Variants in SERGEF observed in about 807,000 individuals in gnomAD.
SERGEF encodes secretion-regulating guanine nucleotide exchange factor.
In SERGEF, 51 loss-of-function variants were observed where a neutral mutation model predicts 50.0. That is an observed-to-expected ratio of 1.02 (90% CI 0.81 to 1.29). The LOEUF (loss-of-function observed/expected upper bound fraction) is 1.29. Ranked by LOEUF, SERGEF falls within the 50% of genes most tolerant of loss-of-function variation. SERGEF has a pLI of 0.00. For missense variants in SERGEF, 521 were observed against 557.0 expected (o/e 0.94, Z 0.65); for synonymous variants, 205 against 212.4 (o/e 0.97, Z 0.30).
chr11:17,900,843 G>C lies in SERGEF; in HGVS notation c.1012-22599C>G, dbSNP rs574376274. Among the ~76,000 whole-genome samples, 7 of 152,298 alleles carry C rather than the reference G, an allele frequency of 4.6e-5. No homozygotes were observed. In the East Asian group the frequency reaches 1.2e-3, roughly 25 times the overall value. Reference sequence around the variant, plus strand: ...ATTCAAAGATAAACAAAGACTACTTGAGAGTTTCACTCAGCCACATTGTAA... The same window carrying C: ...ATTCAAAGATAAACAAAGACTACTTCAGAGTTTCACTCAGCCACATTGTAA... On this transcript the variant is annotated intron_variant, in intron 9 of 10. Transcript: ENST00000265965.
At chr11:17,828,655 G>A (rs955041648) in intron 10 of SERGEF, among the ~76,000 whole-genome samples, 1 of 152,210 alleles carries the variant, frequency 6.6e-6, no homozygotes, top group African/African-American at 2.4e-5. Context: ...GGTGGCCAAA[G>A]CCTAAGTTCC....
At chr11:17,805,837 G>C (rs907017315) in intron 10 of SERGEF, among the ~76,000 whole-genome samples, 1 of 152,148 alleles carries the variant, frequency 6.6e-6, no homozygotes, top group African/African-American at 2.4e-5. Flanking sequence ...CTATTGTTCT[G>C]ACAATTCCAG....
Position 17,993,009 on chromosome 11 carries a change from T to G in SERGEF, c.623-16A>C, listed in dbSNP as rs368996118. ...TTCTCTAGACCTACAAAAGAAAAAA[T>G]GTTCTTCTGAATTACATTTATAACA... On this transcript the variant is annotated splice_polypyrimidine_tract_variant and intron_variant, in intron 6 of 10. Coordinates refer to ENST00000265965, the MANE Select transcript of SERGEF (RefSeq NM_012139.4). The G allele has an allele frequency of 1.2e-6, 2 of 1,610,856 alleles. No homozygotes were observed. Among genetic ancestry groups the G allele is most frequent in the Non-Finnish European group, 1.7e-6 (2 of 1,177,380 alleles).
At chr11:17,811,033 G>A (rs1849861881) in intron 10 of SERGEF, among the ~76,000 whole-genome samples, 4 of 152,180 alleles carry the variant, frequency 2.6e-5, no homozygotes, top group South Asian at 4.1e-4. Flanking sequence ...GCTGAGGTCA[G>A]CCTCCAGCCT....
At chr11:17,953,014 T>G (rs1350716721) in intron 9 of SERGEF, among the ~76,000 whole-genome samples, 2 of 152,118 alleles carry the variant, frequency 1.3e-5, no homozygotes, top group Non-Finnish European at 2.9e-5. Context: ...GAGCACTAAT[T>G]TGACATCAAG....
chr11:17,825,762 A>C (rs899851935), intron 10 of SERGEF, among the ~76,000 whole-genome samples: 1 of 152,202 alleles, frequency 6.6e-6, no homozygotes, highest in Non-Finnish European at 1.5e-5. Flanking sequence ...TGAAGCTTGG[A>C]CATTAGGTGT....
intron 10 of SERGEF, among the ~76,000 whole-genome samples, chr11:17,861,454 C>A (rs1296716006): frequency 6.6e-6 from 1 of 152,228 alleles, no homozygotes; most frequent in Non-Finnish European, 1.5e-5. Context: ...ATGCCCCTTA[C>A]ACTACATTAT....
intron 8 of SERGEF, among the ~76,000 whole-genome samples, chr11:17,984,949 C>T (rs772641934): frequency 7.2e-5 from 11 of 152,154 alleles, no homozygotes; most frequent in Non-Finnish European, 1.0e-4. Flanking sequence ...AAGAGATGTA[C>T]ACAATTACAA....
At chr11:17,980,043 T>TCAGCCTG (rs1853462893) in intron 8 of SERGEF, among the ~76,000 whole-genome samples, 1 of 152,036 alleles carries the variant, frequency 6.6e-6, no homozygotes, top group South Asian at 2.1e-4. Flanking sequence ...ATGAAAGAAA[T>TCAGCCTG]CAGCCTGCAG....
intron 10 of SERGEF, among the ~76,000 whole-genome samples, chr11:17,815,512 G>C (rs1849956907): frequency 6.6e-6 from 1 of 151,946 alleles, no homozygotes; most frequent in South Asian, 2.1e-4. Context: ...CTACTCCAGA[G>C]GCTGAGGCAG....
intron 9 of SERGEF, among the ~76,000 whole-genome samples, chr11:17,916,589 A>C (rs570643854): frequency 5.9e-5 from 9 of 152,230 alleles, no homozygotes; most frequent in Admixed American, 1.3e-4. Context: ...AAGCTAGAAA[A>C]CTATAGTATC....
intron 9 of SERGEF, among the ~76,000 whole-genome samples, chr11:17,944,886 G>C (rs1852628404): frequency 6.6e-6 from 1 of 152,078 alleles, no homozygotes; most frequent in Non-Finnish European, 1.5e-5. Context: ...AGATCAAATA[G>C]TACAGAAAAG....
intron 9 of SERGEF, among the ~76,000 whole-genome samples, chr11:17,898,202 T>C (rs1050749129): frequency 6.6e-6 from 1 of 152,208 alleles, no homozygotes. Flanking sequence ...AGGTCAAATA[T>C]TTTTGAATGA....
At chr11:17,993,472 C>T (rs114939800) in intron 6 of SERGEF, among the ~76,000 whole-genome samples, 4 of 152,216 alleles carry the variant, frequency 2.6e-5, no homozygotes, top group African/African-American at 9.6e-5. Flanking sequence ...TGTTATCAAA[C>T]GCAGGCACTT....
intron 9 of SERGEF, among the ~76,000 whole-genome samples, chr11:17,885,083 CAG>C (rs1347369886): frequency 3.3e-5 from 5 of 152,190 alleles, no homozygotes; most frequent in Non-Finnish European, 7.3e-5. Flanking sequence ...TCTTTTGATA[CAG>C]AGTGTCCCTG....
intron 10 of SERGEF, among the ~76,000 whole-genome samples, chr11:17,845,908 A>T (rs187494285): frequency 6.6e-6 from 1 of 152,318 alleles, no homozygotes; most frequent in East Asian, 1.9e-4. Context: ...AAGGGCAGGA[A>T]CTATCTGTCT....
At chr11:18,008,201 G>T in intron 1 of SERGEF, 125 bp from the exon 2 acceptor site, 2 of 966,136 alleles carry the variant, frequency 2.1e-6, no homozygotes, top group Non-Finnish European at 2.9e-6. Flanking sequence ...GATTTATTAG[G>T]CTCATTCTTT....
chr11:17,880,020 C>T (rs1851309204), intron 9 of SERGEF, among the ~76,000 whole-genome samples: 1 of 152,202 alleles, frequency 6.6e-6, no homozygotes, highest in East Asian at 1.9e-4. Flanking sequence ...GCTCAAAAGG[C>T]ATTTCAGCAT....
intron 8 of SERGEF, among the ~76,000 whole-genome samples, chr11:17,972,279 T>C (rs895003447): frequency 2.0e-5 from 3 of 152,260 alleles, no homozygotes; most frequent in African/African-American, 7.2e-5. Context: ...TCAAACAGCA[T>C]TGCATGCTAC....
Sources: gnomAD v4.1 joint callset for allele counts (sites outside exome capture counted in the v4.1 genomes callset) on GRCh38, gnomAD v4.1.1 for gene constraint, MANE v1.5 for transcripts, NCBI Gene and HGNC (gene_info 2026-07-23, HGNC 2026-07-21) for gene names.